The following RAB3GAP1 variants were observed in gnomAD, a reference collection of about 807,000 sequenced individuals.
RAB3GAP1 encodes rab3 GTPase-activating protein catalytic subunit.
In RAB3GAP1, 86 loss-of-function variants were observed where a neutral mutation model predicts 130.7. That is an observed-to-expected ratio of 0.66 (90% CI 0.55 to 0.79). RAB3GAP1 has a LOEUF of 0.79. Among genes scored for constraint, RAB3GAP1 ranks in the 30% least tolerant of loss-of-function variants. RAB3GAP1 has a pLI of 0.00. For synonymous variants in RAB3GAP1, 367 were observed against 401.7 expected, an observed-to-expected ratio of 0.91 and a Z score of 1.03; for missense variants, 1,029 against 1,169.4, an observed-to-expected ratio of 0.88 and a Z score of 1.75.
At chr2:135,123,468 TAACTC>T (rs1691260390) in intron 8 of RAB3GAP1, among the ~76,000 whole-genome samples, 1 of 152,218 alleles carries the variant, frequency 6.6e-6, no homozygotes, top group Non-Finnish European at 1.5e-5. Flanking sequence ...GAAGTTTTGT[TAACTC>T]AGTAGGCTTT....
intron 12 of RAB3GAP1, 105 bp from the exon 13 acceptor site, chr2:135,130,447 G>C (rs2104943064): frequency 1.0e-6 from 1 of 969,846 alleles, no homozygotes; most frequent in East Asian, 2.6e-5. Context: ...TGTAACACTA[G>C]TAAAAAGAAT....
At chr2:135,118,607 A>G (rs1292571549) in intron 7 of RAB3GAP1, among the ~76,000 whole-genome samples, 1 of 152,054 alleles carries the variant, frequency 6.6e-6, no homozygotes, top group African/African-American at 2.4e-5. Context: ...GCTCATTTTG[A>G]ATGAGTTTCA....
intron 3 of RAB3GAP1, among the ~76,000 whole-genome samples, chr2:135,077,990 T>C (rs79301897): frequency 1.3e-4 from 20 of 152,332 alleles, no homozygotes; most frequent in African/African-American, 4.6e-4. Flanking sequence ...CTCCCATTCA[T>C]GGGTTGCCTT....
At chr2:135,160,501 G>A (rs1255905237) in intron 19 of RAB3GAP1, among the ~76,000 whole-genome samples, 4 of 151,656 alleles carry the variant, frequency 2.6e-5, no homozygotes, top group Non-Finnish European at 4.4e-5. Flanking sequence ...GTGAAACTCC[G>A]TCTTTACTAA....
intron 5 of RAB3GAP1, among the ~76,000 whole-genome samples, chr2:135,106,122 C>T (rs541508821): frequency 4.3e-4 from 66 of 152,062 alleles, no homozygotes; most frequent in South Asian, 1.7e-3. Flanking sequence ...CCCTGCCAGC[C>T]GCCCCGTCCA....
At chr2:135,128,519 A>C (rs964898961) in intron 11 of RAB3GAP1, among the ~76,000 whole-genome samples, 1 of 152,218 alleles carries the variant, frequency 6.6e-6, no homozygotes, top group African/African-American at 2.4e-5. Context: ...TATTATGTTT[A>C]CGTACTAAGT....
chr2:135,157,000 A>G (rs952943244), intron 19 of RAB3GAP1, among the ~76,000 whole-genome samples: 7 of 152,206 alleles, frequency 4.6e-5, no homozygotes, highest in African/African-American at 1.4e-4. Context: ...TTTCATTATA[A>G]GGGGAAAGTA....
intron 5 of RAB3GAP1, among the ~76,000 whole-genome samples, chr2:135,104,680 C>T (rs1364601515): frequency 6.6e-6 from 1 of 151,388 alleles, no homozygotes; most frequent in Non-Finnish European, 1.5e-5. Context: ...TGGTGAAACC[C>T]TGTCTCTACT....
chr2:135,168,798 CGTT>C lies in RAB3GAP1; in HGVS notation c.*19_*21del, dbSNP rs1464606011. On this transcript the variant is annotated 3_prime_UTR_variant, in exon 24 of 24. Coordinates refer to ENST00000264158, the MANE Select transcript of RAB3GAP1 (RefSeq NM_012233.3). Reference sequence around the variant, plus strand: ...TTCTTCTGATTCTTCTAGCATTACTCGTTGGTGGCTTCAGAGACAGTGCTGCCT... The same window carrying C: ...TTCTTCTGATTCTTCTAGCATTACTCGGTGGCTTCAGAGACAGTGCTGCCT... 6.2e-7 allele frequency: 1 copy of C among 1,601,810 alleles called. No individual in the cohort carries two copies. Among genetic ancestry groups the C allele is most frequent in the East Asian group, 2.2e-5 (1 of 44,842 alleles).
At chr2:135,126,283 TA>T (rs762659819) in intron 10 of RAB3GAP1, 34 bp downstream of exon 10, 1 of 1,492,368 alleles carries the variant, frequency 6.7e-7, no homozygotes, top group Non-Finnish European at 9.3e-7. Flanking sequence ...ACACTGAGAT[TA>T]AAAAACTTCA....
intron 3 of RAB3GAP1, among the ~76,000 whole-genome samples, chr2:135,084,072 C>G (rs891576706): frequency 6.6e-6 from 1 of 151,928 alleles, no homozygotes. Context: ...TGGTGAAACC[C>G]TGTCTCTACT....
At chr2:135,092,113 A>T (rs981477584) in intron 4 of RAB3GAP1, among the ~76,000 whole-genome samples, 2 of 152,232 alleles carry the variant, frequency 1.3e-5, no homozygotes, top group Non-Finnish European at 2.9e-5. Context: ...ACCAGGGCAG[A>T]TAACATTAAC....
intron 7 of RAB3GAP1, among the ~76,000 whole-genome samples, chr2:135,119,100 C>A (rs1312676852): frequency 2.1e-5 from 3 of 139,916 alleles, no homozygotes; most frequent in Admixed American, 7.1e-5. Context: ...CCCTCCCTTC[C>A]TTCCTTCCTT....
At chr2:135,091,495 T>C (rs545639717) in intron 4 of RAB3GAP1, among the ~76,000 whole-genome samples, 1 of 150,914 alleles carries the variant, frequency 6.6e-6, no homozygotes, top group Non-Finnish European at 1.5e-5. Context: ...ATTGGGAGAT[T>C]AGAGAAGGAG....
At chr2:135,120,784 A>G (rs776830470) in intron 7 of RAB3GAP1, 35 bp from the exon 8 acceptor site, 17 of 1,420,900 alleles carry the variant, frequency 1.2e-5, no homozygotes. Flanking sequence ...GGGTACCAGC[A>G]TTTACACGGT....
Position 135,169,028 on chromosome 2 carries a change from G to T in RAB3GAP1, c.*247G>T. 1 of 530,606 alleles carries T rather than the reference G, an allele frequency of 1.9e-6. No individual in the cohort carries two copies. The highest frequency in any genetic ancestry group is 3.1e-5 in the Admixed American group (1 of 31,874). The allele number at this position is 530,606 out of a possible 1,614,324, so 32.9% of individuals were successfully genotyped here. On this transcript the variant is annotated 3_prime_UTR_variant, in exon 24 of 24. Coordinates refer to ENST00000264158, the MANE Select transcript of RAB3GAP1 (RefSeq NM_012233.3). ...CCCTAGAGATGGCCTTTGTATATGG[G>T]GGGGTGGTGGGGGGACACAAACACA...
intron 7 of RAB3GAP1, among the ~76,000 whole-genome samples, chr2:135,117,600 T>TCTTCTTCTTCTTCTTCTG (rs1691040657): frequency 8.5e-6 from 1 of 117,472 alleles, no homozygotes; most frequent in Non-Finnish European, 1.9e-5. Flanking sequence ...TTCTGCTGCT[T>TCTTCTTCTTCTTCTTCTG]CTTCTGCTTC....
At chr2:135,174,898 C>T (rs74588351), downstream of RAB3GAP1, among the ~76,000 whole-genome samples, 1,539 of 152,312 alleles carry the variant, frequency 0.01, 24 homozygotes, top group African/African-American at 0.035. Context: ...CAAGGGCTTC[C>T]GTTGCCACTG....
chr2:135,077,916 T>C (rs1027913008), intron 3 of RAB3GAP1, among the ~76,000 whole-genome samples: 7 of 152,200 alleles, frequency 4.6e-5, no homozygotes, highest in African/African-American at 1.4e-4. Flanking sequence ...TGTTGTCGAG[T>C]TGTAAGACTT....
Sources: gnomAD v4.1 joint callset for allele counts (sites outside exome capture counted in the v4.1 genomes callset) on GRCh38, gnomAD v4.1.1 for gene constraint, MANE v1.5 for transcripts, NCBI Gene and HGNC (gene_info 2026-07-23, HGNC 2026-07-21) for gene names.